The following COL15A1 variants were observed in gnomAD, a reference collection of about 807,000 sequenced individuals.
The protein encoded by COL15A1 is collagen type XV alpha 1 chain.
COL15A1 carries 111 observed loss-of-function variants against 165.9 expected under a neutral mutation model. The observed-to-expected ratio is 0.67, with a 90% CI of 0.57 to 0.78. The LOEUF (loss-of-function observed/expected upper bound fraction) is 0.78. Ranked by LOEUF, COL15A1 falls within the 30% of genes least tolerant of loss-of-function variation. The pLI is 0.00. For synonymous variants in COL15A1, 659 were observed against 674.8 expected (o/e 0.98, Z 0.36); for missense variants, 1,745 against 1,789.7 (o/e 0.98, Z 0.45).
chr9:99,029,288 C>T (rs1839177284), intron 16 of COL15A1, among the ~76,000 whole-genome samples: 1 of 152,224 alleles, frequency 6.6e-6, no homozygotes. Flanking sequence ...CTGTGGAATG[C>T]TGAATTGCCA....
chr9:98,984,937 A>C (rs965990711), intron 2 of COL15A1, among the ~76,000 whole-genome samples: 42 of 152,208 alleles, frequency 2.8e-4, no homozygotes, highest in African/African-American at 8.4e-4. Context: ...GATTGCAGGC[A>C]TGTGCCAGCA....
intron 2 of COL15A1, among the ~76,000 whole-genome samples, chr9:98,951,013 A>T (rs1837679394): frequency 6.6e-6 from 1 of 152,166 alleles, no homozygotes; most frequent in South Asian, 2.1e-4. Context: ...GAATCAGAGC[A>T]GCGCAGAACT....
intron 4 of COL15A1, 26 bp from the exon 5 acceptor site, chr9:98,989,152 G>T (rs774269711): frequency 5.0e-6 from 8 of 1,599,598 alleles, no homozygotes; most frequent in Non-Finnish European, 6.9e-6. Flanking sequence ...TCTGCCCGGT[G>T]TGTGGCACAG....
intron 2 of COL15A1, among the ~76,000 whole-genome samples, chr9:98,974,545 C>T (rs1175734180): frequency 1.3e-5 from 2 of 152,196 alleles, no homozygotes; most frequent in Non-Finnish European, 2.9e-5. Context: ...GGTCTGCCCC[C>T]CATGCTGCAG....
intron 3 of COL15A1, 39 bp from the exon 4 acceptor site, chr9:98,987,255 C>G (rs775172668): frequency 1.9e-5 from 30 of 1,585,088 alleles, no homozygotes; most frequent in Non-Finnish European, 2.4e-5. Context: ...ATGCTGTGTA[C>G]GTGCAAACCG....
At chr9:99,028,116 A>G (rs1839158174) in intron 16 of COL15A1, among the ~76,000 whole-genome samples, 1 of 152,220 alleles carries the variant, frequency 6.6e-6, no homozygotes, top group Non-Finnish European at 1.5e-5. Context: ...AAGTCTTTCC[A>G]TTTGCTGTGG....
At chr9:99,042,977 A>G (rs1839436030) in intron 24 of COL15A1, among the ~76,000 whole-genome samples, 1 of 152,198 alleles carries the variant, frequency 6.6e-6, no homozygotes, top group African/African-American at 2.4e-5. Flanking sequence ...GCGTAGGGAT[A>G]TAGAAATAAG....
At chr9:98,954,196 G>A (rs1361967613) in intron 2 of COL15A1, among the ~76,000 whole-genome samples, 4 of 150,482 alleles carry the variant, frequency 2.7e-5, no homozygotes, top group African/African-American at 7.3e-5. Context: ...GATGTGAGAA[G>A]TGTTTGTAAG....
In COL15A1 at chr9:98,944,073, G is replaced by GT. The variant is rs1563999712; in HGVS notation, c.11+2dup. The GT allele has an allele frequency of 1.9e-6, 3 of 1,614,032 alleles. No homozygotes were observed. Among genetic ancestry groups the GT allele is most frequent in the Non-Finnish European group, 2.5e-6 (3 of 1,179,986 alleles). On this transcript the variant is annotated splice_donor_variant, in intron 1 of 41. Coordinates refer to ENST00000375001, the MANE Select transcript of COL15A1 (RefSeq NM_001855.5). LOFTEE classifies it high-confidence loss of function. ...CGCAGACCCGCGAGATGGCACCAAG[G>GT]TAAGACCCGCTTCTCTGCTTCCTCG... is the stretch of plus-strand genomic sequence containing the variant.
chr9:98,958,486 TACTC>T (rs779445524), intron 2 of COL15A1, among the ~76,000 whole-genome samples: 110 of 152,258 alleles, frequency 7.2e-4, no homozygotes, highest in Middle Eastern at 3.4e-3. Context: ...AATGCCAAAT[TACTC>T]ACTCTCCCAC....
intron 5 of COL15A1, among the ~76,000 whole-genome samples, chr9:98,993,139 C>T (rs1838476619): frequency 6.6e-6 from 1 of 152,188 alleles, no homozygotes; most frequent in Non-Finnish European, 1.5e-5. Flanking sequence ...GGCTCAGTTT[C>T]CTCCTTGGTT....
intron 16 of COL15A1, among the ~76,000 whole-genome samples, chr9:99,027,558 A>G (rs1333913298): frequency 7.0e-6 from 1 of 142,976 alleles, no homozygotes; most frequent in African/African-American, 2.6e-5. Context: ...ACCCACCCAC[A>G]CACACCCCTC....
intron 16 of COL15A1, among the ~76,000 whole-genome samples, chr9:99,030,321 C>T (rs566186180): frequency 9.9e-5 from 15 of 152,268 alleles, no homozygotes; most frequent in Admixed American, 3.9e-4. Context: ...GCATGCATGC[C>T]CTCACTGCAC....
chr9:99,047,854 T>A lies in COL15A1; in HGVS notation c.2733+15T>A. The A allele has an allele frequency of 6.2e-7, 1 of 1,613,660 alleles. No homozygotes were observed. Among genetic ancestry groups the A allele is most frequent in the Non-Finnish European group, 8.5e-7 (1 of 1,179,790 alleles). On this transcript the variant is annotated intron_variant, in intron 27 of 41. Coordinates refer to ENST00000375001, the MANE Select transcript of COL15A1 (RefSeq NM_001855.5). ...CCGGGCGACCTGTAGGTATCAGTGTTCATTGGACAGGCTGGAGGGGGAGGA... is the reference window on the plus strand; with the variant it reads ...CCGGGCGACCTGTAGGTATCAGTGTACATTGGACAGGCTGGAGGGGGAGGA...
chr9:99,031,841 TTTAA>T (rs1839216780), intron 16 of COL15A1, among the ~76,000 whole-genome samples: 1 of 152,248 alleles, frequency 6.6e-6, no homozygotes, highest in Admixed American at 6.5e-5. Flanking sequence ...CTATTTCCTC[TTTAA>T]TTATTTTTGT....
In COL15A1 at chr9:99,068,540, A is replaced by T; in HGVS notation, c.3838-15A>T. On this transcript the variant is annotated splice_polypyrimidine_tract_variant and intron_variant, in intron 40 of 41. Coordinates refer to ENST00000375001, the MANE Select transcript of COL15A1 (RefSeq NM_001855.5). ...GATGGTATAATGATTCTAATGTGGT[A>T]TTTTGTCTCTATAGGGCCAAGTACT... The T allele has an allele frequency of 8.1e-7, 1 of 1,227,216 alleles. No homozygotes were observed. Among genetic ancestry groups the T allele is most frequent in the Non-Finnish European group, 1.1e-6 (1 of 896,210 alleles). 76.0% of individuals were successfully genotyped at this position (1,227,216 alleles called of 1,614,324 possible).
intron 5 of COL15A1, among the ~76,000 whole-genome samples, chr9:98,993,130 G>C (rs1209129377): frequency 6.6e-6 from 1 of 152,174 alleles, no homozygotes; most frequent in Non-Finnish European, 1.5e-5. Flanking sequence ...GCTCTCCAAG[G>C]CTCAGTTTCC....
At position 99,036,213 on chromosome 9, in the gene COL15A1, C is replaced by T. The variant is rs1010552804; in HGVS notation, c.2325+8C>T. ...GGAGACCGGGGACCCAAGGTGAGGT[C>T]ACAGAGCCAAGGTGGGGGTGGGAGG... On this transcript the variant is annotated splice_region_variant and intron_variant, in intron 20 of 41. Coordinates refer to ENST00000375001, the MANE Select transcript of COL15A1 (RefSeq NM_001855.5). The T allele has an allele frequency of 1.2e-6, 2 of 1,610,332 alleles. No individual in the cohort carries two copies. The highest frequency in any genetic ancestry group is 3.3e-5 in the Admixed American group (2 of 59,954).
chr9:99,012,513 T>C (rs114036405), intron 9 of COL15A1, among the ~76,000 whole-genome samples: 2,507 of 152,276 alleles, frequency 0.016, 66 homozygotes, highest in African/African-American at 0.058. Context: ...GATAGAGAAC[T>C]TAGGAACTTT....
Sources: gnomAD v4.1 joint callset for allele counts (sites outside exome capture counted in the v4.1 genomes callset) on GRCh38, gnomAD v4.1.1 for gene constraint, MANE v1.5 for transcripts, NCBI Gene and HGNC (gene_info 2026-07-23, HGNC 2026-07-21) for gene names.